Variants in TMEM168 observed in about 807,000 individuals in gnomAD.
TMEM168 encodes the protein transmembrane protein 168.
Under a neutral mutation model 53.2 loss-of-function variants are expected in TMEM168, and 40 were observed. The observed-to-expected ratio is 0.75, with a 90% CI of 0.58 to 0.98. The LOEUF (loss-of-function observed/expected upper bound fraction) is 0.98. TMEM168 is among the 50% of genes least tolerant of loss of function. TMEM168 has a pLI of 0.00. For missense variants in TMEM168, 771 were observed against 828.8 expected, an observed-to-expected ratio of 0.93 and a Z score of 0.86; for synonymous variants, 282 against 293.0, an observed-to-expected ratio of 0.96 and a Z score of 0.38.
At position 112,762,590 on chromosome 7, in the gene TMEM168, T is replaced by C. The variant is rs1792691107; in HGVS notation, c.*4607A>G. On this transcript the variant is annotated 3_prime_UTR_variant, in exon 5 of 5. Transcript: ENST00000312814. ...CTTACTAAAACTGTCTACTTCTAACTATTTTAAGTTCAAACTTATAAAATA... is the reference window on the plus strand; with the variant it reads ...CTTACTAAAACTGTCTACTTCTAACCATTTTAAGTTCAAACTTATAAAATA... 6.6e-6 allele frequency: 1 copy of C among 152,038 alleles called. No individual in the cohort carries two copies. Among genetic ancestry groups the C allele is most frequent in the African/African-American group, 2.4e-5 (1 of 41,450 alleles). The allele number at this position is 152,038 out of a possible 1,614,324, so 9.4% of individuals were successfully genotyped here.
intron 1 of TMEM168, among the ~76,000 whole-genome samples, chr7:112,787,078 TCTCA>T (rs1453575493): frequency 3.9e-5 from 6 of 152,194 alleles, no homozygotes; most frequent in Non-Finnish European, 7.3e-5. Flanking sequence ...CTCTGCAAAC[TCTCA>T]CTTTTATTTT....
chr7:112,768,701 G>A (rs189841494), intron 4 of TMEM168, among the ~76,000 whole-genome samples: 116 of 152,010 alleles, frequency 7.6e-4, no homozygotes, highest in African/African-American at 2.7e-3. Flanking sequence ...TGTGCCTGAG[G>A]CAACTGCCAC....
rs1792801264 is a variant in TMEM168 at position 112,767,176 on chromosome 7, T to C, written c.*21A>G. 6.3e-7 allele frequency: 1 copy of C among 1,589,114 alleles called. No homozygotes were observed. Among genetic ancestry groups the C allele is most frequent in the Admixed American group, 1.8e-5 (1 of 55,868 alleles). Reference sequence around the variant, plus strand: ...AATTGGTAGTATGAGTGCTTATTAATATCCCGCTTTGGGGTCCAAATTAAG... The same window carrying C: ...AATTGGTAGTATGAGTGCTTATTAACATCCCGCTTTGGGGTCCAAATTAAG... On this transcript the variant is annotated 3_prime_UTR_variant, in exon 5 of 5. Transcript: ENST00000312814.
intron 1 of TMEM168, 132 bp downstream of exon 1, chr7:112,790,028 C>A (rs557995530): frequency 2.0e-5 from 3 of 152,330 alleles, no homozygotes; most frequent in African/African-American, 7.2e-5. Context: ...ACTGTCAACT[C>A]CTCCAGAGGC....
intron 1 of TMEM168, among the ~76,000 whole-genome samples, chr7:112,786,033 C>A (rs1395026843): frequency 6.6e-6 from 1 of 152,074 alleles, no homozygotes; most frequent in Admixed American, 6.6e-5. Context: ...CATGACAAAA[C>A]CCTGTCTCTA....
At chr7:112,777,940 G>GTA (rs1253978073) in intron 2 of TMEM168, among the ~76,000 whole-genome samples, 1 of 109,064 alleles carries the variant, frequency 9.2e-6, no homozygotes, top group East Asian at 2.5e-4. Flanking sequence ...GTGTGTGTGT[G>GTA]TGTACCTGGT....
rs573316191 is a variant in TMEM168 at position 112,763,139 on chromosome 7, G to A, written c.*4058C>T. ...TGGAAATGGACTCAACTCACAAAAAGCCATTTTTTGGCAACATCAGCTATG... is the reference window on the plus strand; with the variant it reads ...TGGAAATGGACTCAACTCACAAAAAACCATTTTTTGGCAACATCAGCTATG... On this transcript the variant is annotated 3_prime_UTR_variant, in exon 5 of 5. Coordinates refer to ENST00000312814, the MANE Select transcript of TMEM168 (RefSeq NM_022484.6). The A allele has an allele frequency of 2.0e-5, 3 of 151,988 alleles. No homozygotes were observed. Among genetic ancestry groups the A allele is most frequent in the Non-Finnish European group, 4.4e-5 (3 of 67,932 alleles). The allele number at this position is 151,988 out of a possible 1,614,324, so 9.4% of individuals were successfully genotyped here.
chr7:112,782,881 A>G (rs974483342), intron 2 of TMEM168, among the ~76,000 whole-genome samples: 17 of 152,276 alleles, frequency 1.1e-4, no homozygotes, highest in Admixed American at 3.3e-4. Context: ...AGATTATAGT[A>G]TTTATCACAC....
rs1416295003 is a variant in TMEM168 at position 112,783,808 on chromosome 7, G to A, written c.1018C>T (p.Leu340Phe). 6.2e-7 allele frequency: 1 copy of A among 1,605,506 alleles called. No homozygotes were observed. Among genetic ancestry groups the A allele is most frequent in the Non-Finnish European group, 8.5e-7 (1 of 1,176,578 alleles). ...CCTTTGGATGCCATGATTCTATCAA[G>A]GCTATTGTAATCTGTCCTGTGAGTA... ...YFTHRTDYNS[L>F]DRIMASKGMR... The change falls in exon 2 of 5, where the codon CTT (leucine) becomes TTT (phenylalanine). Residue 340 changes from leucine to phenylalanine, a missense_variant. Coordinates refer to ENST00000312814, the MANE Select transcript of TMEM168 (RefSeq NM_022484.6).
At chr7:112,770,099 T>A (rs1277110153) in intron 4 of TMEM168, among the ~76,000 whole-genome samples, 1 of 152,216 alleles carries the variant, frequency 6.6e-6, no homozygotes, top group Non-Finnish European at 1.5e-5. Flanking sequence ...AAGCTCTTTG[T>A]CACTTAATTT....
At chr7:112,788,755 A>G (rs1473808204) in intron 1 of TMEM168, among the ~76,000 whole-genome samples, 1 of 152,174 alleles carries the variant, frequency 6.6e-6, no homozygotes, top group African/African-American at 2.4e-5. Context: ...ACCATCATCT[A>G]CATTTAATCC....
intron 2 of TMEM168, among the ~76,000 whole-genome samples, chr7:112,775,944 G>C (rs1793070361): frequency 6.6e-6 from 1 of 151,940 alleles, no homozygotes; most frequent in Admixed American, 6.6e-5. Context: ...AGAATGGAAA[G>C]TAGACAGGCA....
intron 1 of TMEM168, among the ~76,000 whole-genome samples, chr7:112,785,898 C>A (rs1392435300): frequency 6.6e-6 from 1 of 152,074 alleles, no homozygotes; most frequent in African/African-American, 2.4e-5. Context: ...CTAAAGAGAA[C>A]CCAATCAGAT....
chr7:112,766,479 C>T lies in TMEM168; in HGVS notation c.*718G>A, dbSNP rs1792781743. ...GTTCATTAAGAAAACATTAAGTTAC[C>T]CTGAGAAAGACTCTTAATATTACCA... On this transcript the variant is annotated 3_prime_UTR_variant, in exon 5 of 5. Coordinates refer to ENST00000312814, the MANE Select transcript of TMEM168 (RefSeq NM_022484.6). The T allele has an allele frequency of 6.6e-6, 1 of 152,522 alleles. No individual in the cohort carries two copies. The highest frequency in any genetic ancestry group is 1.5e-5 in the Non-Finnish European group (1 of 68,020). The allele number at this position is 152,522 out of a possible 1,614,324, so 9.4% of individuals were successfully genotyped here. A position where few individuals can be genotyped will look rare whatever the true frequency, so the allele number is the denominator to read the frequency against.
chr7:112,774,705 T>A (rs928039961), intron 3 of TMEM168, among the ~76,000 whole-genome samples: 1 of 151,906 alleles, frequency 6.6e-6, no homozygotes, highest in African/African-American at 2.4e-5. Flanking sequence ...CTCAGCCTCC[T>A]GAGTAGCTGG....
chr7:112,783,827 G>C lies in TMEM168; in HGVS notation c.999C>G (p.His333Gln). The change falls in exon 2 of 5, where the codon CAC becomes CAG. Residue 333 changes from histidine (H) to glutamine (Q), a missense_variant. Coordinates refer to ENST00000312814, the MANE Select transcript of TMEM168 (RefSeq NM_022484.6). ...LNDCHKVYFT[H>Q]RTDYNSLDRI... ...TATCAAGGCTATTGTAATCTGTCCT[G>C]TGAGTAAAATATACTTTATGGCAGT... is the stretch of plus-strand genomic sequence containing the variant. The C allele has an allele frequency of 6.2e-7, 1 of 1,607,812 alleles. No homozygotes were observed. Among genetic ancestry groups the C allele is most frequent in the Non-Finnish European group, 8.5e-7 (1 of 1,177,984 alleles).
chr7:112,785,854 A>C (rs532833552), intron 1 of TMEM168, among the ~76,000 whole-genome samples: 2 of 152,324 alleles, frequency 1.3e-5, no homozygotes, highest in East Asian at 1.9e-4. Context: ...ATACTGTTTC[A>C]AAAGAACTGA....
intron 2 of TMEM168, among the ~76,000 whole-genome samples, chr7:112,781,556 C>T (rs1793231784): frequency 6.6e-6 from 1 of 152,050 alleles, no homozygotes; most frequent in Non-Finnish European, 1.5e-5. Context: ...CAATGGTAGA[C>T]ATATAGGTCA....
intron 3 of TMEM168, among the ~76,000 whole-genome samples, chr7:112,773,920 C>A (rs78153815): frequency 0.074 from 11,217 of 152,202 alleles, 471 homozygotes; most frequent in South Asian, 0.13. Context: ...ACTATTTCCA[C>A]ACATTCTTTC....
Sources: gnomAD v4.1 joint callset for allele counts (sites outside exome capture counted in the v4.1 genomes callset) on GRCh38, gnomAD v4.1.1 for gene constraint, MANE v1.5 for transcripts, NCBI Gene and HGNC (gene_info 2026-07-23, HGNC 2026-07-21) for gene names.